RP1L1: variants seen among roughly 807,000 people sequenced by gnomAD.
RP1L1 encodes RP1 like 1.
In RP1L1, 27 loss-of-function variants were observed where a neutral mutation model predicts 15.7. The observed-to-expected ratio is 1.72, with a 90% confidence interval of 1.27 to 2.38. The LOEUF is 2.38. RP1L1 is among the 30% of genes most tolerant of loss of function. The probability of loss-of-function intolerance (pLI) is 0.00; values close to 1 mark genes in which losing one functional copy is unlikely to be tolerated. For synonymous variants in RP1L1, 1,813 were observed against 1,276.7 expected, an observed-to-expected ratio of 1.42 and a Z score of -8.96; for missense variants, 4,798 against 3,075.9, an observed-to-expected ratio of 1.56 and a Z score of -13.24.
At chr8:10,643,574 T>G (rs1436950317) in intron 1 of RP1L1, among the ~76,000 whole-genome samples, 1 of 151,922 alleles carries the variant, frequency 6.6e-6, no homozygotes, top group Admixed American at 6.6e-5. Flanking sequence ...TTTAAGGTAA[T>G]GTACTGGAAA....
chr8:10,622,909 T>G lies in RP1L1; in HGVS notation c.293A>C (p.Asp98Ala). ...ATCAGAGCAGAGGTAGCAGCCTCCA[T>G]CTTCCAGCTGCTCCAGGGCGCTGAG... ...HSLSALEQLE[D>A]GGCYLCSDKK... is the part of the protein sequence containing the mutation. Residue 98 changes from aspartate to alanine, a missense_variant, in exon 2 of 4, where the codon GAT (aspartate) becomes GCT (alanine). By Grantham distance (126) the Asp-to-Ala change is moderately radical. Transcript: ENST00000382483. 1 of 1,613,918 alleles carries G rather than the reference T, an allele frequency of 6.2e-7. No homozygotes were observed. The highest frequency in any genetic ancestry group is 8.5e-7 in the Non-Finnish European group (1 of 1,179,930).
intron 1 of RP1L1, among the ~76,000 whole-genome samples, chr8:10,632,067 G>C (rs1798261343): frequency 6.6e-5 from 10 of 152,168 alleles, no homozygotes; most frequent in Admixed American, 6.5e-4. Context: ...GCCACCAGAG[G>C]ACAGGTCCTG....
At chr8:10,650,467 C>G (rs1008019863) in intron 1 of RP1L1, among the ~76,000 whole-genome samples, 1 of 152,084 alleles carries the variant, frequency 6.6e-6, no homozygotes, top group Non-Finnish European at 1.5e-5. Context: ...TGTCACGTGA[C>G]CAAGGCTGGT....
intron 1 of RP1L1, among the ~76,000 whole-genome samples, chr8:10,643,318 T>C (rs1175604801): frequency 1.3e-5 from 2 of 152,098 alleles, no homozygotes; most frequent in African/African-American, 2.4e-5. Flanking sequence ...ACAGCCTGGG[T>C]GACAGAGTGA....
At chr8:10,651,034 T>C (rs762446465) in intron 1 of RP1L1, among the ~76,000 whole-genome samples, 1 of 152,246 alleles carries the variant, frequency 6.6e-6, no homozygotes, top group African/African-American at 2.4e-5. Context: ...CAAAGTGCTC[T>C]GGGATAATTT....
In RP1L1 at chr8:10,610,125, T is replaced by TCCCCTCTAACTCCACCGCCTC. The variant is rs776696463; in HGVS notation, c.3972_3973insGAGGCGGTGGAGTTAGAGGGG (p.Glu1324_Thr1325insGluAlaValGluLeuGluGly). The TCCCCTCTAACTCCACCGCCTC allele has an allele frequency of 6.8e-7, 1 of 1,472,364 alleles. No homozygotes were observed. Among genetic ancestry groups the TCCCCTCTAACTCCACCGCCTC allele is most frequent in the African/African-American group, 1.4e-5 (1 of 69,696 alleles). 91.2% of individuals were successfully genotyped at this position (1,472,364 alleles called of 1,614,324 possible). A position where few individuals can be genotyped will look rare whatever the true frequency, so the allele number is the denominator to read the frequency against. The stretch of plus-strand genomic sequence containing the variant: ...TCTTGCAGCCCTTCTTCTGTTTTAG[T>TCCCCTCTAACTCCACCGCCTC]TTCCTCTAACTGCACCGCCTCTTCT... On this transcript the variant is annotated inframe_insertion, in exon 4 of 4. Coordinates refer to ENST00000382483, the MANE Select transcript of RP1L1 (RefSeq NM_178857.6).
At position 10,607,407 on chromosome 8, in the gene RP1L1, G is replaced by C; in HGVS notation, c.6691C>G (p.Pro2231Ala). ...GGCTGGGCCTCCCCTTCAGCCTCCG[G>C]GGTCTCTACGCCTTCTGGCTCTGGC... ...AQPEPEGVET[P>A]EAEGEAQPES... Residue 2231 changes from proline to alanine, a missense_variant, in exon 4 of 4, where the codon CCG (proline) becomes GCG (alanine). Physicochemically the swap from Pro to Ala is conservative, Grantham distance 27 (BLOSUM62 -1). Coordinates refer to ENST00000382483, the MANE Select transcript of RP1L1 (RefSeq NM_178857.6). The C allele has an allele frequency of 6.3e-7, 1 of 1,593,318 alleles. No homozygotes were observed. Among genetic ancestry groups the C allele is most frequent in the Non-Finnish European group, 8.6e-7 (1 of 1,167,410 alleles).
chr8:10,654,062 C>T (rs1798603174), intron 1 of RP1L1, among the ~76,000 whole-genome samples: 3 of 152,162 alleles, frequency 2.0e-5, no homozygotes, highest in Non-Finnish European at 4.4e-5. Flanking sequence ...GGCACAGGGA[C>T]AGTTAGCTGC....
intron 1 of RP1L1, among the ~76,000 whole-genome samples, chr8:10,636,186 T>C (rs897818451): frequency 6.6e-6 from 1 of 152,228 alleles, no homozygotes; most frequent in Non-Finnish European, 1.5e-5. Context: ...TTGCCATCGC[T>C]CAGACTTTCT....
Position 10,612,461 on chromosome 8 carries a change from C to G in RP1L1, c.1637G>C (p.Ser546Thr), listed in dbSNP as rs376876283. The G allele has an allele frequency of 3.4e-5, 55 of 1,612,746 alleles. No homozygotes were observed. In the Middle Eastern group the frequency reaches 8.2e-4, roughly 24 times the overall value. Reference sequence around the variant, plus strand: ...GCCCTGGGGCCGCCCACCCCATTCGCTGGATCCCTCATGAGAGCCGGTGCT... The same window carrying G: ...GCCCTGGGGCCGCCCACCCCATTCGGTGGATCCCTCATGAGAGCCGGTGCT... Reference protein sequence around the residue: ...SASTGSHEGSSEWGGRPQGCP... With the variant: ...SASTGSHEGSTEWGGRPQGCP... The change falls in exon 4 of 4, where the codon AGC becomes ACC. Residue 546 changes from serine (S) to threonine (T), a missense_variant. By Grantham distance (58) the Ser-to-Thr change is moderately conservative. Transcript: ENST00000382483.
intron 1 of RP1L1, among the ~76,000 whole-genome samples, chr8:10,623,919 T>G (rs1053368231): frequency 2.2e-4 from 33 of 149,312 alleles, no homozygotes; most frequent in Non-Finnish European, 4.6e-4. Context: ...CATCACCATG[T>G]CCCAGAACCA....
At position 10,613,508 on chromosome 8, in the gene RP1L1, A is replaced by G. The variant is rs1368218804; in HGVS notation, c.752-162T>C. Among the ~76,000 whole-genome samples, 4 of 148,706 alleles carry G rather than the reference A, an allele frequency of 2.7e-5. No individual in the cohort carries two copies. In the East Asian group the frequency reaches 8.2e-4, roughly 31 times the overall value. Reference sequence around the variant, plus strand: ...GCTGTGCGCGGTGGCTCAGGCCTGTAATCCAAGCACTTTGGGAGGCCGAGG... The same window carrying G: ...GCTGTGCGCGGTGGCTCAGGCCTGTGATCCAAGCACTTTGGGAGGCCGAGG... On this transcript the variant is annotated intron_variant, in intron 3 of 3. Coordinates refer to ENST00000382483, the MANE Select transcript of RP1L1 (RefSeq NM_178857.6).
At position 10,612,009 on chromosome 8, in the gene RP1L1, G is replaced by T. The variant is rs767540364; in HGVS notation, c.2089C>A (p.Gln697Lys). 1 of 1,613,766 alleles carries T rather than the reference G, an allele frequency of 6.2e-7. No individual in the cohort carries two copies. The highest frequency in any genetic ancestry group is 8.5e-7 in the Non-Finnish European group (1 of 1,180,036). ...PRPPERRRAC[Q>K]DGSVPRYSGS... is the part of the protein sequence containing the mutation. ...GAATATCGTGGCACTGAGCCATCCT[G>T]GCAGGCCCTTCGCCGCTCAGGAGGC... The change falls in exon 4 of 4, where the codon CAG (glutamine) becomes AAG (lysine). Residue 697 changes from glutamine to lysine, a missense_variant. Gln to Lys is a moderately conservative substitution (Grantham distance 53). Transcript: ENST00000382483.
rs777038712 is a variant in RP1L1, at chr8:10,622,960, A to G, written c.242T>C (p.Val81Ala). ...GCTATGCAGGCCCCGGGGTGTGGTG[A>G]CAGAGCGCACCCCAAAGGAGAGAGG... is the stretch of plus-strand genomic sequence containing the variant. ...RVPLSFGVRS[V>A]TTPRGLHSLS... is the part of the protein sequence containing the mutation. The change falls in exon 2 of 4, where the codon GTC (valine) becomes GCC (alanine). Residue 81 changes from valine (V) to alanine (A), a missense_variant. Transcript: ENST00000382483. The G allele has an allele frequency of 4.3e-6, 7 of 1,614,070 alleles. No individual in the cohort carries two copies. The highest frequency in any genetic ancestry group is 2.2e-5 in the East Asian group (1 of 44,876).
At chr8:10,654,811 C>G (rs1287700351) in intron 1 of RP1L1, 87 bp downstream of exon 1, 3 of 152,850 alleles carry the variant, frequency 2.0e-5, no homozygotes, top group Non-Finnish European at 4.4e-5. Context: ...AAACGCCTCC[C>G]CACTTGCTGT....
chr8:10,617,671 C>T (rs1797992339), intron 2 of RP1L1, among the ~76,000 whole-genome samples: 1 of 149,458 alleles, frequency 6.7e-6, no homozygotes, highest in South Asian at 2.1e-4. Flanking sequence ...ATTCTCCTGC[C>T]TCAGCCTCCG....
At position 10,611,529 on chromosome 8, in the gene RP1L1, G is replaced by A. The variant is rs749757188; in HGVS notation, c.2569C>T (p.Pro857Ser). 3 of 1,585,708 alleles carry A rather than the reference G, an allele frequency of 1.9e-6. No homozygotes were observed. In the South Asian group the frequency reaches 3.4e-5, roughly 18 times the overall value. The change falls in exon 4 of 4, where the codon CCC becomes TCC. Residue 857 changes from proline (P) to serine (S), a missense_variant. Pro to Ser is a moderately conservative substitution (Grantham distance 74). Transcript: ENST00000382483. ...CTCTGGGGGCAGGGCCGCCCCCTGG[G>A]CGGGGTGGGACAGTACCTGCCACAC... The part of the protein sequence containing the change: ...WLCGRYCPTP[P>S]RGRPCPQRRS...
At chr8:10,635,426 G>A (rs1798314712) in intron 1 of RP1L1, among the ~76,000 whole-genome samples, 1 of 152,234 alleles carries the variant, frequency 6.6e-6, no homozygotes, top group African/African-American at 2.4e-5. Flanking sequence ...TGCACTTTCT[G>A]CTCTCCCAGG....
chr8:10,612,979 A>C lies in RP1L1; in HGVS notation c.1119T>G (p.Pro373=). 6 of 1,613,194 alleles carry C rather than the reference A, an allele frequency of 3.7e-6. No individual in the cohort carries two copies. Among genetic ancestry groups the C allele is most frequent in the Non-Finnish European group, 4.2e-6 (5 of 1,179,912 alleles). Residue 373 remains proline (P), a synonymous_variant, in exon 4 of 4, where the codon CCT becomes CCG. Coordinates refer to ENST00000382483, the MANE Select transcript of RP1L1 (RefSeq NM_178857.6). The part of the protein sequence containing the change: ...DPLCCVWEGY[P]WGFSEPGVWG... ...ACACCCCAGGCTCTGAGAAGCCCCA[A>C]GGGTAGCCCTCCCACACACAGCAGA...
Sources: allele counts gnomAD v4.1 joint callset (sites outside exome capture counted in the v4.1 genomes callset), GRCh38; gene constraint gnomAD v4.1.1; transcripts MANE v1.5; gene names NCBI Gene and HGNC (gene_info 2026-07-23, HGNC 2026-07-21).